OTOGL: variants seen among roughly 807,000 people sequenced by gnomAD.
OTOGL encodes the protein otogelin-like protein.
OTOGL carries 285 observed loss-of-function variants against 318.5 expected under a neutral mutation model. That is an observed-to-expected ratio of 0.89 (90% confidence interval 0.81 to 0.99). OTOGL has a LOEUF of 0.99. Among genes scored for constraint, OTOGL ranks in the 50% least tolerant of loss-of-function variants. OTOGL has a pLI of 0.00. For missense variants in OTOGL, 2,899 were observed against 2,845.6 expected (o/e 1.02, Z -0.43); for synonymous variants, 987 against 936.5 (o/e 1.05, Z -0.99).
At chr12:80,230,868 A>T (rs926884977) in intron 8 of OTOGL, among the ~76,000 whole-genome samples, 3 of 152,182 alleles carry the variant, frequency 2.0e-5, no homozygotes, top group African/African-American at 7.2e-5. Flanking sequence ...TTCTGCATTC[A>T]TTTAGGTTTA....
chr12:80,272,092 T>A (rs1183138907), intron 24 of OTOGL, among the ~76,000 whole-genome samples: 1 of 152,152 alleles, frequency 6.6e-6, no homozygotes, highest in Non-Finnish European at 1.5e-5. Context: ...AATTAATCAC[T>A]CTTCATTCAA....
At chr12:80,141,210 T>C (rs985068394) in intron 1 of OTOGL, among the ~76,000 whole-genome samples, 4 of 152,064 alleles carry the variant, frequency 2.6e-5, no homozygotes, top group South Asian at 2.1e-4. Flanking sequence ...AAAGGCAAGA[T>C]TTTTTTTATT....
chr12:80,353,586 T>C (rs945112282), intron 46 of OTOGL, 76 bp downstream of exon 46: 3 of 1,176,158 alleles, frequency 2.6e-6, no homozygotes, highest in African/African-American at 3.1e-5. Context: ...ATTGCAGAGA[T>C]GTGCTAACAA....
intron 26 of OTOGL, among the ~76,000 whole-genome samples, chr12:80,283,498 A>G (rs1207744295): frequency 2.0e-5 from 3 of 152,030 alleles, no homozygotes; most frequent in Non-Finnish European, 4.4e-5. Flanking sequence ...GCAGCTCATT[A>G]TATTCTGATT....
At chr12:80,128,490 G>A (rs1871008161) in intron 1 of OTOGL, among the ~76,000 whole-genome samples, 1 of 152,206 alleles carries the variant, frequency 6.6e-6, no homozygotes, top group African/African-American at 2.4e-5. Context: ...GGGGGTCAGG[G>A]ACCCACTTGA....
In OTOGL at chr12:80,355,810, T is replaced by C. The variant is rs370193178; in HGVS notation, c.5668T>C (p.Tyr1890His). ...TGGGGGCATTGATGAATGCACTCTA[T>C]ACAAATGTTTGGAGAATGGAAGCAT... The part of the protein sequence containing the change: ...WNGGIDECTL[Y>H]KCLENGSIIP... The change falls in exon 47 of 59, where the codon TAC (tyrosine) becomes CAC (histidine). Residue 1890 changes from tyrosine to histidine, a missense_variant. Transcript: ENST00000547103. 100 of 1,613,794 alleles carry C rather than the reference T, an allele frequency of 6.2e-5. No homozygotes were observed. The highest frequency in any genetic ancestry group is 7.8e-5 in the Non-Finnish European group (92 of 1,179,842).
intron 19 of OTOGL, among the ~76,000 whole-genome samples, chr12:80,263,072 G>A (rs1033537584): frequency 6.6e-6 from 1 of 152,126 alleles, no homozygotes; most frequent in Non-Finnish European, 1.5e-5. Flanking sequence ...TTTGCTCTTT[G>A]TGCTTTCTGT....
intron 42 of OTOGL, among the ~76,000 whole-genome samples, 160 bp from the exon 43 acceptor site, chr12:80,338,915 G>T (rs901374362): frequency 1.3e-5 from 2 of 151,950 alleles, no homozygotes; most frequent in Non-Finnish European, 2.9e-5. Flanking sequence ...CAATAAAATA[G>T]CTTAAAGGTT....
chr12:80,126,487 G>A (rs1165734620), intron 1 of OTOGL, among the ~76,000 whole-genome samples: 1 of 152,144 alleles, frequency 6.6e-6, no homozygotes, highest in Non-Finnish European at 1.5e-5. Flanking sequence ...GAATAGGTGT[G>A]GTGTGGTGCT....
In OTOGL at chr12:80,323,708, T is replaced by A. The variant is rs1412378867; in HGVS notation, c.4082-15T>A. 6.3e-7 allele frequency: 1 copy of A among 1,591,264 alleles called. No homozygotes were observed. Among genetic ancestry groups the A allele is most frequent in the Non-Finnish European group, 8.6e-7 (1 of 1,160,148 alleles). ...TATTAAATATGCACACAATCTAAACTTTATTTTTTCCCAGAAATCCAGGCA... is the reference window on the plus strand; with the variant it reads ...TATTAAATATGCACACAATCTAAACATTATTTTTTCCCAGAAATCCAGGCA... On this transcript the variant is annotated splice_polypyrimidine_tract_variant and intron_variant, in intron 34 of 58. Coordinates refer to ENST00000547103, the MANE Select transcript of OTOGL (RefSeq NM_001378609.3).
At chr12:80,165,226 A>G (rs1873759971) in intron 1 of OTOGL, among the ~76,000 whole-genome samples, 1 of 152,178 alleles carries the variant, frequency 6.6e-6, no homozygotes, top group Non-Finnish European at 1.5e-5. Context: ...AAAACTGGAA[A>G]GAAGATCTAA....
At chr12:80,173,923 C>T (rs941381294) in intron 1 of OTOGL, among the ~76,000 whole-genome samples, 1 of 152,162 alleles carries the variant, frequency 6.6e-6, no homozygotes, top group African/African-American at 2.4e-5. Context: ...CCATTTATAA[C>T]TCTGAGTTCT....
intron 1 of OTOGL, among the ~76,000 whole-genome samples, chr12:80,129,950 G>A (rs1406768679): frequency 6.6e-6 from 1 of 152,006 alleles, no homozygotes; most frequent in Non-Finnish European, 1.5e-5. Flanking sequence ...TTTTGGTCAT[G>A]GCTAAAAACC....
At chr12:80,306,758 A>C (rs1413571592) in intron 29 of OTOGL, among the ~76,000 whole-genome samples, 1 of 130,006 alleles carries the variant, frequency 7.7e-6, no homozygotes, top group Non-Finnish European at 1.6e-5. Flanking sequence ...AAATGAATTA[A>C]GAAGTAACTA....
rs549544084 is a variant in OTOGL, at chr12:80,232,328, AT to A, written c.612-556del. On this transcript the variant is annotated intron_variant, in intron 8 of 58. Transcript: ENST00000547103. Reference sequence around the variant, plus strand: ...GTAAGTTATAATACGTCATCCTTTGATTTTTTTTAGAAAACAATGACTTATG... The same window carrying A: ...GTAAGTTATAATACGTCATCCTTTGATTTTTTTAGAAAACAATGACTTATG... Among the ~76,000 whole-genome samples the A allele has an allele frequency of 1.9e-3, 286 of 152,114 alleles. 4 individuals carry two copies. The highest frequency in any genetic ancestry group is 6.5e-3 in the African/African-American group (269 of 41,510).
chr12:80,240,829 T>C (rs1880313295), intron 11 of OTOGL, among the ~76,000 whole-genome samples: 1 of 152,132 alleles, frequency 6.6e-6, no homozygotes, highest in Non-Finnish European at 1.5e-5. Flanking sequence ...AGACTCATCA[T>C]ACTATGTTCA....
intron 1 of OTOGL, among the ~76,000 whole-genome samples, chr12:80,146,090 C>A (rs1452299157): frequency 2.0e-5 from 3 of 150,744 alleles, no homozygotes; most frequent in South Asian, 2.1e-4. Context: ...ACTTCCAACA[C>A]CCTGTTGAAT....
At chr12:80,118,562 T>TAA (rs1383172111) in intron 1 of OTOGL, among the ~76,000 whole-genome samples, 1 of 152,188 alleles carries the variant, frequency 6.6e-6, no homozygotes, top group Non-Finnish European at 1.5e-5. Flanking sequence ...GCTCAATCAG[T>TAA]AAATCTCTAC....
chr12:80,146,921 T>G (rs1872414471), intron 1 of OTOGL, among the ~76,000 whole-genome samples: 1 of 152,072 alleles, frequency 6.6e-6, no homozygotes, highest in African/African-American at 2.4e-5. Flanking sequence ...TTATCATTTT[T>G]TATTGTATCT....
Sources: gnomAD v4.1 joint callset for allele counts (sites outside exome capture counted in the v4.1 genomes callset) on GRCh38, gnomAD v4.1.1 for gene constraint, MANE v1.5 for transcripts, NCBI Gene and HGNC (gene_info 2026-07-23, HGNC 2026-07-21) for gene names.